TENM3: variants seen among roughly 807,000 people sequenced by gnomAD.
TENM3 encodes teneurin-3.
TENM3 carries 63 observed loss-of-function variants against 255.1 expected under a neutral mutation model. The ratio of observed to expected loss-of-function variants is 0.25; its 90% CI spans 0.20 to 0.30. The LOEUF is 0.30. Among genes scored for constraint, TENM3 ranks in the 10% least tolerant of loss-of-function variants. The pLI is 1.00. For missense variants in TENM3, 2,929 were observed against 3,461.1 expected (o/e 0.85, Z 3.86); for synonymous variants, 1,306 against 1,322.3 (o/e 0.99, Z 0.27).
rs187994115 is a variant in TENM3, at chr4:182,797,405, C to G, written c.7344+638C>G. Among the ~76,000 whole-genome samples, 923 of 151,764 alleles carry G rather than the reference C, an allele frequency of 6.1e-3. 9 individuals carry two copies. The highest frequency in any genetic ancestry group is 0.021 in the African/African-American group (861 of 41,296). On this transcript the variant is annotated intron_variant, in intron 27 of 27. Coordinates refer to ENST00000511685, the MANE Select transcript of TENM3 (RefSeq NM_001080477.4). ...AGTGACCCGAGATCACGCCATTGTA[C>G]TCCAGCCTGAGCAACAAGAGCGAAA...
chr4:182,025,249 C>T, the TENM3 span, among the ~76,000 whole-genome samples: 2 of 151,926 alleles, frequency 1.3e-5, no homozygotes, highest in Admixed American at 6.6e-5. Context: ...AAGATGGTCT[C>T]GATCTCCTGA....
chr4:181,660,402 C>A, the TENM3 span, among the ~76,000 whole-genome samples: 1 of 152,022 alleles, frequency 6.6e-6, no homozygotes, highest in Non-Finnish European at 1.5e-5. Flanking sequence ...CATACTTAAC[C>A]ACTTGACCTG....
intron 3 of TENM3, among the ~76,000 whole-genome samples, chr4:182,551,941 C>T (rs2151936897): frequency 6.6e-6 from 1 of 151,446 alleles, no homozygotes; most frequent in South Asian, 2.1e-4. Context: ...TTGCTTGAGC[C>T]TGGGAGGTTG....
At chr4:182,717,207 G>C (rs193004620) in intron 13 of TENM3, among the ~76,000 whole-genome samples, 3 of 152,262 alleles carry the variant, frequency 2.0e-5, no homozygotes, top group Admixed American at 2.0e-4. Context: ...CAATGGTAAA[G>C]AGTTTAAACA....
chr4:182,628,877 T>C lies in TENM3; in HGVS notation c.976T>C (p.Ser326Pro). The C allele has an allele frequency of 6.3e-7, 1 of 1,589,500 alleles. No individual in the cohort carries two copies. The change falls in exon 5 of 28, where the codon TCT becomes CCT. Residue 326 changes from serine (S) to proline (P), a missense_variant. Physicochemically the swap from Ser to Pro is moderately conservative, Grantham distance 74. Coordinates refer to ENST00000511685, the MANE Select transcript of TENM3 (RefSeq NM_001080477.4). ...CTCGGTGCTCCTGGCAATACTCCTG[T>C]CTTATTTTATAGGTAAGAACAAGTT... is the stretch of plus-strand genomic sequence containing the variant. ...GVSVLLAILL[S>P]YFIAMHLFGL...
At chr4:181,462,356 T>C in the TENM3 span, among the ~76,000 whole-genome samples, 1 of 152,158 alleles carries the variant, frequency 6.6e-6, no homozygotes, top group Non-Finnish European at 1.5e-5. Context: ...CAGGCTGCCT[T>C]GGTCTCCCTG....
chr4:182,304,595 C>A (rs982204943), intron 1 of TENM3, among the ~76,000 whole-genome samples: 1 of 152,152 alleles, frequency 6.6e-6, no homozygotes, highest in Non-Finnish European at 1.5e-5. Flanking sequence ...TGATTGAAGA[C>A]CTGCTGTGTA....
the TENM3 span, among the ~76,000 whole-genome samples, chr4:182,016,485 AG>A: frequency 6.6e-6 from 1 of 152,198 alleles, no homozygotes; most frequent in Non-Finnish European, 1.5e-5. Flanking sequence ...TCTCCTGCTT[AG>A]GGTCCTTGAG....
chr4:182,262,448 A>G (rs541187435), intron 1 of TENM3, among the ~76,000 whole-genome samples: 1 of 152,274 alleles, frequency 6.6e-6, no homozygotes, highest in Non-Finnish European at 1.5e-5. Flanking sequence ...AACAGGTTGC[A>G]GTAAGGGAGC....
intron 22 of TENM3, among the ~76,000 whole-genome samples, chr4:182,763,599 C>T (rs1763402873): frequency 2.0e-5 from 3 of 151,882 alleles, no homozygotes; most frequent in Non-Finnish European, 4.4e-5. Flanking sequence ...TAAAGGCAAG[C>T]ATAAGCCTTG....
chr4:182,726,503 A>C (rs892332689), intron 13 of TENM3, among the ~76,000 whole-genome samples: 7 of 152,188 alleles, frequency 4.6e-5, no homozygotes, highest in Non-Finnish European at 8.8e-5. Context: ...ACAGCCTCAC[A>C]GAACAAGCCT....
chr4:182,628,697 A>T lies in TENM3; in HGVS notation c.796A>T (p.Thr266Ser). The change falls in exon 5 of 28, where the codon ACT (threonine) becomes TCT (serine). Residue 266 changes from threonine (T) to serine (S), a missense_variant. Transcript: ENST00000511685. Reference protein sequence around the residue: ...TGTGTTPLFSTATPGYTMASG... With the variant: ...TGTGTTPLFSSATPGYTMASG... Reference sequence around the variant, plus strand: ...AACAGGTACAACGCCACTGTTCAGTACTGCAACCCCAGGATACACAATGGC... The same window carrying T: ...AACAGGTACAACGCCACTGTTCAGTTCTGCAACCCCAGGATACACAATGGC... 1 of 1,606,130 alleles carries T rather than the reference A, an allele frequency of 6.2e-7. No homozygotes were observed. Among genetic ancestry groups the T allele is most frequent in the Admixed American group, 1.7e-5 (1 of 58,920 alleles).
intron 5 of TENM3, 70 bp downstream of exon 5, chr4:182,628,959 A>G (rs1388088929): frequency 2.2e-6 from 2 of 913,474 alleles, no homozygotes; most frequent in Non-Finnish European, 3.4e-6. Context: ...ACTTGTATTT[A>G]TTCATTTGGT....
At chr4:182,468,825 TGTG>T (rs1194312584) in intron 3 of TENM3, among the ~76,000 whole-genome samples, 2 of 1,962 alleles carry the variant, frequency 1.0e-3, no homozygotes, top group African/African-American at 2.5e-3. Flanking sequence ...CCTGTGTGCT[TGTG>T]TGTGTGTGTG....
At chr4:182,224,362 A>G (rs1756017203) in intron 1 of TENM3, among the ~76,000 whole-genome samples, 1 of 152,194 alleles carries the variant, frequency 6.6e-6, no homozygotes, top group African/African-American at 2.4e-5. Context: ...CTCAAATGGG[A>G]GAAAATTCTT....
chr4:181,986,505 C>T, the TENM3 span, among the ~76,000 whole-genome samples: 4 of 152,170 alleles, frequency 2.6e-5, no homozygotes, highest in South Asian at 8.3e-4. Flanking sequence ...TAAGAACATC[C>T]TCATATCCAA....
chr4:182,729,605 TTGAC>T (rs1439716177), intron 14 of TENM3, among the ~76,000 whole-genome samples: 2 of 152,174 alleles, frequency 1.3e-5, no homozygotes, highest in East Asian at 1.9e-4. Context: ...CATAAGCTGT[TTGAC>T]TGGTGCTTTG....
chr4:182,474,351 A>G (rs923830168), intron 3 of TENM3, among the ~76,000 whole-genome samples: 1 of 152,208 alleles, frequency 6.6e-6, no homozygotes. Flanking sequence ...TATGCATTCA[A>G]CCATATTTAA....
At chr4:182,775,967 T>C (rs1224088850) in intron 24 of TENM3, among the ~76,000 whole-genome samples, 1 of 151,750 alleles carries the variant, frequency 6.6e-6, no homozygotes, top group Non-Finnish European at 1.5e-5. Context: ...GATAGATAGA[T>C]AGATAGATAG....
Sources: allele counts gnomAD v4.1 joint callset (sites outside exome capture counted in the v4.1 genomes callset), GRCh38; gene constraint gnomAD v4.1.1; transcripts MANE v1.5; gene names NCBI Gene and HGNC (gene_info 2026-07-23, HGNC 2026-07-21).